The following KALRN variants were observed in gnomAD, a reference collection of about 807,000 sequenced individuals.
KALRN encodes the protein kalirin.
In KALRN, 70 loss-of-function variants were observed where a neutral mutation model predicts 353.7. The ratio of observed to expected loss-of-function variants is 0.20; its 90% CI spans 0.16 to 0.24. KALRN has a LOEUF of 0.24. Among genes scored for constraint, KALRN ranks in the 10% least tolerant of loss-of-function variants. KALRN has a pLI of 1.00. For missense variants in KALRN, 2,791 were observed against 3,756.7 expected, an observed-to-expected ratio of 0.74 and a Z score of 6.72; for synonymous variants, 1,391 against 1,434.8, an observed-to-expected ratio of 0.97 and a Z score of 0.69.
chr3:124,649,609 TAAACAAAC>T (rs75988107), intron 37 of KALRN, among the ~76,000 whole-genome samples: 21 of 143,450 alleles, frequency 1.5e-4, no homozygotes, highest in Non-Finnish European at 2.5e-4. Context: ...CCCAGTCTCT[TAAACAAAC>T]AAACAAACAA....
At chr3:124,601,316 T>C (rs1173198868) in intron 34 of KALRN, among the ~76,000 whole-genome samples, 1 of 152,228 alleles carries the variant, frequency 6.6e-6, no homozygotes, top group Non-Finnish European at 1.5e-5. Context: ...TTATCAGACA[T>C]TTCTCTAACT....
intron 33 of KALRN, among the ~76,000 whole-genome samples, chr3:124,512,665 TAAAAAC>T (rs1039894752): frequency 1.3e-5 from 2 of 150,832 alleles, no homozygotes; most frequent in African/African-American, 2.4e-5. Flanking sequence ...AAATAAAAAA[TAAAAAC>T]AATTAAAAAT....
At chr3:124,348,391 C>CAACA (rs1400843972) in intron 10 of KALRN, among the ~76,000 whole-genome samples, 2 of 152,190 alleles carry the variant, frequency 1.3e-5, no homozygotes, top group African/African-American at 4.8e-5. Context: ...GATGGCATGT[C>CAACA]AACAACCAAG....
At chr3:124,283,325 A>T (rs932734049) in intron 5 of KALRN, among the ~76,000 whole-genome samples, 1 of 152,196 alleles carries the variant, frequency 6.6e-6, no homozygotes, top group African/African-American at 2.4e-5. Context: ...TCCGGGATAA[A>T]GTTGGGCATT....
chr3:124,296,386 C>T (rs1580644884), intron 5 of KALRN, among the ~76,000 whole-genome samples: 1 of 152,118 alleles, frequency 6.6e-6, no homozygotes, highest in Non-Finnish European at 1.5e-5. Flanking sequence ...CTCTTCCCCA[C>T]CTTCTCCTCT....
chr3:124,204,524 A>T (rs1468200838), intron 1 of KALRN, among the ~76,000 whole-genome samples: 1 of 152,076 alleles, frequency 6.6e-6, no homozygotes, highest in East Asian at 1.9e-4. Context: ...TCCTTTCTCC[A>T]GATATTGGAT....
At chr3:124,330,135 T>C (rs562257695) in intron 8 of KALRN, 143 bp downstream of exon 8, 2 of 900,262 alleles carry the variant, frequency 2.2e-6, no homozygotes, top group African/African-American at 1.7e-5. Flanking sequence ...GTGACATCTT[T>C]AGGAACCTTG....
intron 27 of KALRN, among the ~76,000 whole-genome samples, chr3:124,479,900 T>A (rs2061810998): frequency 1.3e-5 from 2 of 152,042 alleles, no homozygotes; most frequent in Non-Finnish European, 1.5e-5. Flanking sequence ...ATTTTTTGTA[T>A]TTCTAGTAGA....
chr3:124,436,506 G>A (rs1223602391), intron 17 of KALRN, among the ~76,000 whole-genome samples: 1 of 152,210 alleles, frequency 6.6e-6, no homozygotes, highest in Non-Finnish European at 1.5e-5. Context: ...TGGGACTAGA[G>A]AAGTCACCTC....
intron 37 of KALRN, among the ~76,000 whole-genome samples, chr3:124,648,132 G>A (rs2082987406): frequency 6.6e-6 from 1 of 152,226 alleles, no homozygotes; most frequent in African/African-American, 2.4e-5. Context: ...GCCCTTAGCT[G>A]GGGCTCAGTA....
intron 53 of KALRN, 113 bp from the exon 54 acceptor site, chr3:124,696,021 T>A: frequency 9.3e-7 from 1 of 1,074,222 alleles, no homozygotes; most frequent in Non-Finnish European, 1.4e-6. Context: ...GGGACTGACC[T>A]CGGGCCTGAG....
chr3:124,364,363 C>T (rs935394273), intron 10 of KALRN, among the ~76,000 whole-genome samples: 2 of 152,220 alleles, frequency 1.3e-5, no homozygotes, highest in African/African-American at 2.4e-5. Flanking sequence ...TGACCCTTCC[C>T]TGTCTCATGG....
chr3:124,386,796 G>A (rs1021352907), intron 11 of KALRN, among the ~76,000 whole-genome samples: 2 of 152,132 alleles, frequency 1.3e-5, no homozygotes, highest in African/African-American at 4.8e-5. Flanking sequence ...TTTATTGTAA[G>A]CACTCAAAAT....
chr3:124,616,512 A>G (rs1008469370), intron 34 of KALRN, among the ~76,000 whole-genome samples: 2 of 152,216 alleles, frequency 1.3e-5, no homozygotes, highest in African/African-American at 2.4e-5. Context: ...TTCCAGATCT[A>G]GGGAATAATA....
Position 124,398,781 on chromosome 3 carries a change from C to T in KALRN, c.2256C>T (p.Ala752=). The T allele has an allele frequency of 6.2e-7, 1 of 1,614,092 alleles. No homozygotes were observed. Among genetic ancestry groups the T allele is most frequent in the Non-Finnish European group, 8.5e-7 (1 of 1,180,022 alleles). The change falls in exon 13 of 60, where the codon GCC becomes GCT. Residue 752 remains alanine (A), a synonymous_variant. Coordinates refer to ENST00000682506, the MANE Select transcript of KALRN (RefSeq NM_001388419.1). ...CGGTCCTGCAGCAGCTTGATGATGCCCAGGTGCAGATGGAGGAGCTGTTCC... is the reference window on the plus strand; with the variant it reads ...CGGTCCTGCAGCAGCTTGATGATGCTCAGGTGCAGATGGAGGAGCTGTTCC... ...IESVLQQLDD[A]QVQMEELFHE...
intron 6 of KALRN, among the ~76,000 whole-genome samples, chr3:124,306,290 GAGGCTT>G (rs1302000299): frequency 6.6e-6 from 1 of 151,802 alleles, no homozygotes; most frequent in African/African-American, 2.4e-5. Flanking sequence ...CTCAGGCTGA[GAGGCTT>G]ATTTTTTTAA....
intron 1 of KALRN, among the ~76,000 whole-genome samples, chr3:124,175,130 C>A (rs1578971178): frequency 6.6e-6 from 1 of 152,230 alleles, no homozygotes. Context: ...ACGTGTGCAT[C>A]CAGGAGAGGC....
At chr3:124,570,568 A>C (rs993995348) in intron 34 of KALRN, among the ~76,000 whole-genome samples, 1 of 152,194 alleles carries the variant, frequency 6.6e-6, no homozygotes. Context: ...TGTTTTTAAA[A>C]ATTATAATAC....
chr3:124,698,779 T>TTTAAAATTGTGCAATTTAAACTG (rs2062181910), intron 55 of KALRN, among the ~76,000 whole-genome samples: 3 of 152,200 alleles, frequency 2.0e-5, no homozygotes, highest in African/African-American at 4.8e-5. Flanking sequence ...AATTGTGCCG[T>TTTAAAATTGTGCAATTTAAACTG]TTAAAATTGT....
Sources: allele counts gnomAD v4.1 joint callset (sites outside exome capture counted in the v4.1 genomes callset), GRCh38; gene constraint gnomAD v4.1.1; transcripts MANE v1.5; gene names NCBI Gene and HGNC (gene_info 2026-07-23, HGNC 2026-07-21).